Variants in C8orf90 observed in about 807,000 individuals in gnomAD.
C8orf90 encodes uncharacterized protein C8orf90.
At chr8:141,514,738 G>A in the C8orf90 span, 3 of 701,576 alleles carry the variant, frequency 4.3e-6, no homozygotes, top group East Asian at 2.7e-5. Context: ...CAGCAGGTCT[G>A]CCCCCTCCTT....
At chr8:141,518,416 C>T in the C8orf90 span, 2 of 673,014 alleles carry the variant, frequency 3.0e-6, no homozygotes, top group Non-Finnish European at 2.7e-6. Context: ...CGCCTGCGGG[C>T]CGCTCTTCTA....
chr8:141,515,981 C>T, the C8orf90 span, among the ~76,000 whole-genome samples: 1 of 152,328 alleles, frequency 6.6e-6, no homozygotes, highest in African/African-American at 2.4e-5. Context: ...ACCCTCCTTC[C>T]CTGAGAAGCT....
the C8orf90 span, among the ~76,000 whole-genome samples, chr8:141,515,955 G>A: frequency 6.6e-6 from 1 of 152,118 alleles, no homozygotes; most frequent in Non-Finnish European, 1.5e-5. Flanking sequence ...TCCTCACACT[G>A]TGCTGCTGGC....
chr8:141,516,302 C>G, the C8orf90 span, among the ~76,000 whole-genome samples: 1 of 152,222 alleles, frequency 6.6e-6, no homozygotes, highest in Non-Finnish European at 1.5e-5. Context: ...CATTCAGAGC[C>G]GAACCTCAGG....
At chr8:141,514,807 G>A in the C8orf90 span, 19 of 694,194 alleles carry the variant, frequency 2.7e-5, no homozygotes, top group African/African-American at 2.5e-4. Context: ...GAAGGGGGAC[G>A]GGGCACCTGG....
the C8orf90 span, chr8:141,518,566 G>A: frequency 2.3e-6 from 1 of 429,722 alleles, no homozygotes; most frequent in African/African-American, 2.1e-5. Context: ...CCTGAGCTGC[G>A]CCCGCGCGCG....
At chr8:141,518,151 G>C in the C8orf90 span, 1 of 527,910 alleles carries the variant, frequency 1.9e-6, no homozygotes, top group Non-Finnish European at 3.3e-6. Context: ...CTGGTCTCCC[G>C]CCTGCGCGGG....
At chr8:141,517,250 TC>T in the C8orf90 span, among the ~76,000 whole-genome samples, 1 of 152,246 alleles carries the variant, frequency 6.6e-6, no homozygotes, top group Admixed American at 6.5e-5. Context: ...CATTCCCACT[TC>T]CTAGCCTCCC....
At chr8:141,516,480 C>T in the C8orf90 span, among the ~76,000 whole-genome samples, 100 of 152,264 alleles carry the variant, frequency 6.6e-4, no homozygotes, top group Non-Finnish European at 1.1e-3. Context: ...TGATGTGATG[C>T]GCCGGCAGCA....
At chr8:141,518,646 G>T in the C8orf90 span, 1 of 540,582 alleles carries the variant, frequency 1.8e-6, no homozygotes, top group Non-Finnish European at 3.3e-6. Context: ...CGAGGCCAGC[G>T]CTTCCAGCGA....
At chr8:141,517,257 C>T in the C8orf90 span, among the ~76,000 whole-genome samples, 5 of 64,292 alleles carry the variant, frequency 7.8e-5, no homozygotes, top group East Asian at 1.6e-3. Flanking sequence ...ACTTCCTAGC[C>T]TCCCAGTGTG....
chr8:141,517,869 C>T, the C8orf90 span, among the ~76,000 whole-genome samples: 545 of 152,342 alleles, frequency 3.6e-3, 4 homozygotes, highest in Middle Eastern at 0.01. Flanking sequence ...ACCTCAACAT[C>T]CTAAGCTCGC....
the C8orf90 span, among the ~76,000 whole-genome samples, chr8:141,517,226 T>C: frequency 1.5e-5 from 1 of 68,262 alleles, no homozygotes; most frequent in Non-Finnish European, 4.6e-5. Context: ...TGACAATTCA[T>C]GGTCATATTC....
At chr8:141,514,819 G>A in the C8orf90 span, 3 of 693,786 alleles carry the variant, frequency 4.3e-6, no homozygotes, top group African/African-American at 3.5e-5. Flanking sequence ...GGCACCTGGG[G>A]CTCTGAGAAT....
the C8orf90 span, chr8:141,518,504 T>C: frequency 1.6e-6 from 1 of 613,220 alleles, no homozygotes; most frequent in Admixed American, 2.9e-5. Flanking sequence ...CTGCGGCCCC[T>C]GCACGCCACG....
chr8:141,518,713 TAA>T, the C8orf90 span: 1 of 492,000 alleles, frequency 2.0e-6, no homozygotes, highest in Non-Finnish European at 3.6e-6. Flanking sequence ...ACAGAATAAA[TAA>T]AGAGTTTCCC....
the C8orf90 span, among the ~76,000 whole-genome samples, chr8:141,516,231 C>T: frequency 1.1e-4 from 16 of 152,310 alleles, no homozygotes; most frequent in South Asian, 2.1e-4. Flanking sequence ...AAGCATGCTG[C>T]GATTTATCCT....
chr8:141,515,721 C>T, the C8orf90 span, among the ~76,000 whole-genome samples: 30,579 of 152,100 alleles, frequency 0.2, 3,516 homozygotes, highest in East Asian at 0.33. Flanking sequence ...CCCTCGCTGG[C>T]CCCTCTCCTG....
At chr8:141,518,626 T>G in the C8orf90 span, 1 of 510,268 alleles carries the variant, frequency 2.0e-6, no homozygotes, top group Non-Finnish European at 3.4e-6. Context: ...GCCGCCGCCT[T>G]CCCGGAGCCC....
Sources: gnomAD v4.1 joint callset for allele counts (sites outside exome capture counted in the v4.1 genomes callset) on GRCh38, gnomAD v4.1.1 for gene constraint, MANE v1.5 for transcripts, NCBI Gene and HGNC (gene_info 2026-07-23, HGNC 2026-07-21) for gene names.